Variants in DOCK3 observed in about 807,000 individuals in gnomAD.
DOCK3 encodes the protein dedicator of cytokinesis protein 3.
A neutral mutation model predicts 265.6 loss-of-function variants in DOCK3; 60 were observed. The ratio of observed to expected loss-of-function variants is 0.23; its 90% confidence interval spans 0.18 to 0.28. DOCK3 has a LOEUF of 0.28. Among genes scored for constraint, DOCK3 ranks in the 10% least tolerant of loss-of-function variants. The probability of loss-of-function intolerance (pLI) is 1.00; values close to 1 mark genes in which losing one functional copy is unlikely to be tolerated. For synonymous variants in DOCK3, 881 were observed against 938.0 expected (o/e 0.94, Z 1.11); for missense variants, 1,981 against 2,594.3 (o/e 0.76, Z 5.14).
intron 12 of DOCK3, among the ~76,000 whole-genome samples, chr3:51,164,273 A>G (rs1421331455): frequency 6.6e-6 from 1 of 152,182 alleles, no homozygotes; most frequent in Non-Finnish European, 1.5e-5. Flanking sequence ...ACTCCCATTG[A>G]TTGAGGTAAT....
intron 2 of DOCK3, chr3:50,787,644 C>T: frequency 7.7e-7 from 1 of 1,298,066 alleles, no homozygotes; most frequent in Non-Finnish European, 1.1e-6. Flanking sequence ...GCTCTGCACT[C>T]TTCCTGCAAC....
intron 3 of DOCK3, among the ~76,000 whole-genome samples, chr3:50,859,312 T>G (rs1349623261): frequency 6.7e-6 from 1 of 149,994 alleles, no homozygotes; most frequent in African/African-American, 2.5e-5. Context: ...GCCTCCCAGG[T>G]TTAAGCGATT....
chr3:50,784,628 C>G (rs2042093236), intron 2 of DOCK3, among the ~76,000 whole-genome samples: 5 of 152,190 alleles, frequency 3.3e-5, no homozygotes, highest in Admixed American at 3.3e-4. Context: ...AATATTGATT[C>G]TACCCATTCA....
At chr3:50,804,684 C>T (rs9823104) in intron 2 of DOCK3, among the ~76,000 whole-genome samples, 35 of 151,052 alleles carry the variant, frequency 2.3e-4, no homozygotes, top group African/African-American at 6.6e-4. Flanking sequence ...GCCAAGATGG[C>T]GGCACTATAG....
At chr3:50,809,098 G>A (rs142856128) in intron 2 of DOCK3, among the ~76,000 whole-genome samples, 1 of 152,294 alleles carries the variant, frequency 6.6e-6, no homozygotes, top group African/African-American at 2.4e-5. Flanking sequence ...GAAAAGATTG[G>A]TAAGTTATAC....
At chr3:50,916,117 C>T (rs570943451) in intron 4 of DOCK3, among the ~76,000 whole-genome samples, 3 of 152,164 alleles carry the variant, frequency 2.0e-5, no homozygotes, top group Non-Finnish European at 4.4e-5. Flanking sequence ...GGTGTCGGCT[C>T]CTTCTCTGGG....
intron 5 of DOCK3, among the ~76,000 whole-genome samples, chr3:50,954,651 T>C (rs1244588865): frequency 6.6e-6 from 1 of 152,160 alleles, no homozygotes; most frequent in East Asian, 1.9e-4. Flanking sequence ...CCTGTTCATG[T>C]CCTTTATTCA....
At chr3:51,262,655 G>A (rs1303164969) in intron 23 of DOCK3, among the ~76,000 whole-genome samples, 8 of 152,152 alleles carry the variant, frequency 5.3e-5, no homozygotes, top group Admixed American at 4.6e-4. Flanking sequence ...CCAATGCAAG[G>A]AAGCTAAGAA....
At chr3:51,230,739 T>G (rs912253396) in intron 19 of DOCK3, among the ~76,000 whole-genome samples, 4 of 152,114 alleles carry the variant, frequency 2.6e-5, no homozygotes, top group African/African-American at 7.2e-5. Flanking sequence ...ATGGTCTCGA[T>G]CCCTTGACCT....
intron 26 of DOCK3, among the ~76,000 whole-genome samples, chr3:51,279,647 C>A (rs1413105937): frequency 6.6e-6 from 1 of 152,166 alleles, no homozygotes; most frequent in African/African-American, 2.4e-5. Context: ...AGTCCAGTAA[C>A]CCTGTGCAAA....
chr3:51,248,391 C>T (rs557476004), intron 22 of DOCK3, among the ~76,000 whole-genome samples: 25 of 152,350 alleles, frequency 1.6e-4, no homozygotes, highest in African/African-American at 4.8e-4. Flanking sequence ...GACGGGGTTT[C>T]GCTGTGTTGG....
In DOCK3 at chr3:50,930,710, C is replaced by T. The variant is rs113845604; in HGVS notation, c.219-3271C>T. Among the ~76,000 whole-genome samples, 19 of 152,292 alleles carry T rather than the reference C, an allele frequency of 1.2e-4. 2 individuals are homozygous for T. The highest frequency in any genetic ancestry group is 7.7e-4 in the East Asian group (4 of 5,174). ...TGGGAGTGGATCACAGGCCTCGGGC[C>T]GGCAATTGGGAGTGATACTGTGCAG... is the stretch of plus-strand genomic sequence containing the variant. On this transcript the variant is annotated intron_variant, in intron 4 of 52. Transcript: ENST00000266037.
At chr3:51,029,331 A>G (rs907252049) in intron 5 of DOCK3, among the ~76,000 whole-genome samples, 1 of 152,196 alleles carries the variant, frequency 6.6e-6, no homozygotes, top group African/African-American at 2.4e-5. Flanking sequence ...TACTTAGTTC[A>G]TGCTTGCTCA....
rs1350801905 is a variant in DOCK3, at chr3:51,138,711, C to G, written c.747-7838C>G. Reference sequence around the variant, plus strand: ...GAGGTGTCTGCTTTTGAGAGATTCACAGAGCGTATAATGTGAGGATGAGAG... The same window carrying G: ...GAGGTGTCTGCTTTTGAGAGATTCAGAGAGCGTATAATGTGAGGATGAGAG... On this transcript the variant is annotated intron_variant, in intron 9 of 52. Coordinates refer to ENST00000266037, the MANE Select transcript of DOCK3 (RefSeq NM_004947.5). 3.3e-5 allele frequency among the ~76,000 whole-genome samples: 5 copies of G among 152,178 alleles called. 1 individual carries two copies. Among genetic ancestry groups the G allele is most frequent in the Admixed American group, 3.3e-4 (5 of 15,272 alleles).
At chr3:51,118,853 G>A (rs538830562) in intron 9 of DOCK3, among the ~76,000 whole-genome samples, 1 of 145,374 alleles carries the variant, frequency 6.9e-6, no homozygotes, top group South Asian at 2.2e-4. Flanking sequence ...CCTTTATTTT[G>A]ACCCTATGTG....
chr3:51,121,945 G>A (rs1432830607), intron 9 of DOCK3, among the ~76,000 whole-genome samples: 4 of 152,190 alleles, frequency 2.6e-5, no homozygotes, highest in African/African-American at 7.2e-5. Flanking sequence ...GGATTAGCAT[G>A]AGATGGAAAT....
chr3:50,955,356 G>A (rs61638760), intron 5 of DOCK3, among the ~76,000 whole-genome samples: 14,361 of 152,106 alleles, frequency 0.094, 839 homozygotes, highest in Non-Finnish European at 0.12. Flanking sequence ...AGGAATACAA[G>A]TTTTTCTGCC....
In DOCK3 at chr3:50,735,128, T is replaced by C. The variant is rs909305477; in HGVS notation, c.38-43547T>C. On this transcript the variant is annotated intron_variant, in intron 1 of 52. Transcript: ENST00000266037. ...TTTTTTTCTTTTGGAACTTTGATTA[T>C]AGTATTCCATTTTCTCCTGGTCTGC... Among the ~76,000 whole-genome samples the C allele has an allele frequency of 2.0e-5, 3 of 152,272 alleles. No individual in the cohort carries two copies. In the South Asian group the frequency reaches 6.2e-4, roughly 32 times the overall value.
chr3:51,189,825 A>G lies in DOCK3; in HGVS notation c.1038-18949A>G, dbSNP rs138451141. 5.3e-5 allele frequency among the ~76,000 whole-genome samples: 8 copies of G among 152,288 alleles called. No individual in the cohort carries two copies. In the East Asian group the frequency reaches 1.5e-3, roughly 29 times the overall value. On this transcript the variant is annotated intron_variant, in intron 12 of 52. Coordinates refer to ENST00000266037, the MANE Select transcript of DOCK3 (RefSeq NM_004947.5). ...TGGTAGATCTACTTTTAGTTCTTTA[A>G]GAAATCCCCATACTGTTTTCCATAG...
Sources: gnomAD v4.1 joint callset for allele counts (sites outside exome capture counted in the v4.1 genomes callset) on GRCh38, gnomAD v4.1.1 for gene constraint, MANE v1.5 for transcripts, NCBI Gene and HGNC (gene_info 2026-07-23, HGNC 2026-07-21) for gene names.